Variants in PCDH9 observed in about 807,000 individuals in gnomAD.
The protein encoded by PCDH9 is protocadherin 9.
PCDH9 carries 24 observed loss-of-function variants against 70.6 expected under a neutral mutation model. The ratio of observed to expected loss-of-function variants is 0.34; its 90% CI spans 0.25 to 0.48. The LOEUF is 0.48. Ranked by LOEUF, PCDH9 falls within the 20% of genes least tolerant of loss-of-function variation. The pLI is 0.99. For synonymous variants in PCDH9, 562 were observed against 558.5 expected, an observed-to-expected ratio of 1.01 and a Z score of -0.09; for missense variants, 1,281 against 1,503.6, an observed-to-expected ratio of 0.85 and a Z score of 2.45.
chr13:66,915,847 T>G (rs1485309730), intron 2 of PCDH9, among the ~76,000 whole-genome samples: 1 of 151,674 alleles, frequency 6.6e-6, no homozygotes, highest in African/African-American at 2.4e-5. Context: ...TAGCTCTTTT[T>G]AAGTTCTATT....
At chr13:66,346,079 A>G (rs1314068273) in intron 4 of PCDH9, among the ~76,000 whole-genome samples, 1 of 152,196 alleles carries the variant, frequency 6.6e-6, no homozygotes, top group African/African-American at 2.4e-5. Flanking sequence ...AATTGTCTGC[A>G]AACTGGCAGG....
chr13:66,830,351 C>T (rs1456212342), intron 3 of PCDH9, among the ~76,000 whole-genome samples: 1 of 152,086 alleles, frequency 6.6e-6, no homozygotes. Flanking sequence ...AGGTCATTAA[C>T]GCTGCTTCAT....
intron 4 of PCDH9, among the ~76,000 whole-genome samples, chr13:66,581,928 A>G (rs925196196): frequency 1.2e-4 from 18 of 152,184 alleles, no homozygotes; most frequent in African/African-American, 4.1e-4. Context: ...TCATATGGAT[A>G]TGGAACACAG....
intron 3 of PCDH9, among the ~76,000 whole-genome samples, chr13:66,822,675 G>A (rs933326325): frequency 1.7e-4 from 26 of 151,800 alleles, no homozygotes; most frequent in African/African-American, 6.0e-4. Flanking sequence ...ACAAGCATGC[G>A]CCACTACGCC....
chr13:66,536,105 TA>T (rs1960691082), intron 4 of PCDH9, among the ~76,000 whole-genome samples: 1 of 152,062 alleles, frequency 6.6e-6, no homozygotes, highest in African/African-American at 2.4e-5. Flanking sequence ...CTGTTAAGTT[TA>T]AAAAGCAATT....
intron 2 of PCDH9, among the ~76,000 whole-genome samples, chr13:67,046,529 C>G (rs938476194): frequency 2.5e-4 from 38 of 152,206 alleles, no homozygotes; most frequent in African/African-American, 8.7e-4. Context: ...TTGGCAAACA[C>G]AGTGTCTTTG....
intron 2 of PCDH9, among the ~76,000 whole-genome samples, chr13:66,952,259 C>T (rs548321205): frequency 2.0e-5 from 3 of 152,222 alleles, no homozygotes; most frequent in Non-Finnish European, 4.4e-5. Flanking sequence ...GTCTGTTTCC[C>T]TGTATTTATT....
intron 2 of PCDH9, among the ~76,000 whole-genome samples, chr13:67,189,943 A>G (rs184463025): frequency 8.4e-4 from 128 of 152,172 alleles, no homozygotes; most frequent in African/African-American, 2.9e-3. Context: ...AACAAAATAA[A>G]ACAAATTCTT....
chr13:66,824,092 T>C (rs959520087), intron 3 of PCDH9, among the ~76,000 whole-genome samples: 4 of 151,792 alleles, frequency 2.6e-5, no homozygotes, highest in African/African-American at 7.2e-5. Flanking sequence ...AAATTAATCA[T>C]CTCAATAAAG....
At chr13:66,715,466 TAA>T (rs1239856975) in intron 3 of PCDH9, among the ~76,000 whole-genome samples, 1 of 152,064 alleles carries the variant, frequency 6.6e-6, no homozygotes, top group Non-Finnish European at 1.5e-5. Context: ...TACCTGAAAA[TAA>T]GAGATCAATA....
intron 3 of PCDH9, among the ~76,000 whole-genome samples, chr13:66,790,519 T>C (rs1252945292): frequency 6.6e-6 from 1 of 152,134 alleles, no homozygotes; most frequent in Non-Finnish European, 1.5e-5. Flanking sequence ...TATTTCTATA[T>C]TGTCTTCTTA....
At chr13:66,961,776 G>C (rs1269173685) in intron 2 of PCDH9, among the ~76,000 whole-genome samples, 1 of 152,134 alleles carries the variant, frequency 6.6e-6, no homozygotes, top group African/African-American at 2.4e-5. Context: ...TAGATGACCA[G>C]GTGCGGTGGC....
chr13:66,532,755 T>G (rs1283764522), intron 4 of PCDH9, among the ~76,000 whole-genome samples: 2 of 152,062 alleles, frequency 1.3e-5, no homozygotes, highest in Non-Finnish European at 2.9e-5. Context: ...AGGGCAGATG[T>G]CAAGATTAAT....
chr13:66,759,609 A>G (rs1200600418), intron 3 of PCDH9, among the ~76,000 whole-genome samples: 1 of 147,130 alleles, frequency 6.8e-6, no homozygotes, highest in Non-Finnish European at 1.5e-5. Flanking sequence ...GTTTCTTTGT[A>G]TACCTCTAGT....
At chr13:66,587,575 T>G (rs1455186610) in intron 4 of PCDH9, among the ~76,000 whole-genome samples, 1 of 151,972 alleles carries the variant, frequency 6.6e-6, no homozygotes, top group Non-Finnish European at 1.5e-5. Context: ...CAATGTCTGT[T>G]TTCAGAGCTC....
intron 3 of PCDH9, among the ~76,000 whole-genome samples, chr13:66,892,134 G>C (rs929381345): frequency 2.0e-5 from 3 of 150,592 alleles, no homozygotes; most frequent in African/African-American, 7.3e-5. Flanking sequence ...TGGCCACTGT[G>C]AATCTACTTA....
chr13:67,104,037 A>G (rs1318843091), intron 2 of PCDH9, among the ~76,000 whole-genome samples: 2 of 152,218 alleles, frequency 1.3e-5, no homozygotes, highest in African/African-American at 4.8e-5. Flanking sequence ...GTCAACTGCC[A>G]TAAGATGCAG....
chr13:67,218,483 AAGGGATT>A (rs2138108047), intron 2 of PCDH9: 1 of 152,216 alleles, frequency 6.6e-6, no homozygotes, highest in South Asian at 2.1e-4. Context: ...AATATCCTGA[AAGGGATT>A]AGAGTGTTTC....
chr13:67,208,193 A>G (rs558750093), intron 2 of PCDH9: 1 of 152,220 alleles, frequency 6.6e-6, no homozygotes, highest in Admixed American at 6.5e-5. Flanking sequence ...TATTTCATCA[A>G]TCAATTAATG....
Sources: gnomAD v4.1 joint callset for allele counts (sites outside exome capture counted in the v4.1 genomes callset) on GRCh38, gnomAD v4.1.1 for gene constraint, MANE v1.5 for transcripts, NCBI Gene and HGNC (gene_info 2026-07-23, HGNC 2026-07-21) for gene names.